RAET1L: variants seen among roughly 807,000 people sequenced by gnomAD.
The protein encoded by RAET1L is UL16-binding protein 6.
A neutral mutation model predicts 23.9 loss-of-function variants in RAET1L; 16 were observed. The ratio of observed to expected loss-of-function variants is 0.67; its 90% CI spans 0.45 to 1.02. RAET1L has a LOEUF of 1.02. Among genes scored for constraint, RAET1L ranks in the 50% least tolerant of loss-of-function variants. RAET1L has a pLI of 0.00. For synonymous variants in RAET1L, 70 were observed against 111.2 expected, an observed-to-expected ratio of 0.63 and a Z score of 2.33; for missense variants, 233 against 304.0, an observed-to-expected ratio of 0.77 and a Z score of 1.74.
intron 2 of RAET1L, among the ~76,000 whole-genome samples, 179 bp from the exon 3 acceptor site, chr6:150,021,365 C>CCA: frequency 7.0e-6 from 1 of 143,274 alleles, no homozygotes; most frequent in African/African-American, 2.6e-5. Flanking sequence ...GAAAGGGTCT[C>CCA]GCTCTGTCAC....
intron 3 of RAET1L, 95 bp downstream of exon 3, chr6:150,020,810 A>G: frequency 1.8e-5 from 29 of 1,569,108 alleles, no homozygotes; most frequent in Non-Finnish European, 2.5e-5. Flanking sequence ...ATAAACGTGT[A>G]CACTGGGATG....
rs1779850675 is a variant in RAET1L, at chr6:150,018,652, A to G, written c.*226T>C. On this transcript the variant is annotated 3_prime_UTR_variant, in exon 5 of 5. Transcript: ENST00000367341. ...TTCCATCAGGTAGCACCAAGAGAAA[A>G]TTGCATAATATGTTAGGAATAATCA... The G allele has an allele frequency of 6.5e-6, 1 of 153,144 alleles. No individual in the cohort carries two copies. Among genetic ancestry groups the G allele is most frequent in the South Asian group, 2.0e-4 (1 of 4,892 alleles). The allele number at this position is 153,144 out of a possible 1,614,324, so 9.5% of individuals were successfully genotyped here.
In RAET1L at chr6:150,021,164, C is replaced by A; in HGVS notation, c.372G>T (p.Arg124Ser). 6.2e-7 allele frequency: 1 copy of A among 1,613,436 alleles called. No individual in the cohort carries two copies. The highest frequency in any genetic ancestry group is 8.5e-7 in the Non-Finnish European group (1 of 1,179,564). ...TPKEPLTLQARMSCEQKAEGH... is the reference protein window; with the variant it reads ...TPKEPLTLQASMSCEQKAEGH... ...CTTCAGCTTTCTGCTCACAAGACAT[C>A]CTTGCCTGCAGGGTGAGGGGTTCTG... The change falls in exon 3 of 5, where the codon AGG (arginine) becomes AGT (serine). Residue 124 changes from arginine to serine, a missense_variant. Arg to Ser is a moderately radical substitution (Grantham distance 110, BLOSUM62 -1). Coordinates refer to ENST00000367341, the MANE Select transcript of RAET1L (RefSeq NM_130900.3).
intron 2 of RAET1L, 21 bp from the exon 3 acceptor site, chr6:150,021,207 T>G (rs772972757): frequency 4.4e-6 from 7 of 1,594,112 alleles, no homozygotes; most frequent in Middle Eastern, 1.7e-4. Context: ...CAGAGAGAGA[T>G]CAGCTCTGAT....
At chr6:150,019,500 C>T (rs1319207718) in intron 4 of RAET1L, among the ~76,000 whole-genome samples, 1 of 152,054 alleles carries the variant, frequency 6.6e-6, no homozygotes, top group African/African-American at 2.4e-5. Context: ...GACTCAAACC[C>T]CACGGGTACA....
intron 1 of RAET1L, among the ~76,000 whole-genome samples, chr6:150,025,098 C>T (rs79206040): frequency 3.9e-5 from 6 of 152,138 alleles, no homozygotes; most frequent in Non-Finnish European, 7.4e-5. Context: ...GTGGGACTGC[C>T]GGGCTGCACT....
chr6:150,023,704 A>T (rs1420843025), intron 1 of RAET1L, among the ~76,000 whole-genome samples: 1 of 152,202 alleles, frequency 6.6e-6, no homozygotes, highest in Non-Finnish European at 1.5e-5. Context: ...ATGTGGTCAC[A>T]ATGTCTAATT....
chr6:150,019,167 T>C (rs989961180), intron 4 of RAET1L, among the ~76,000 whole-genome samples: 2 of 152,174 alleles, frequency 1.3e-5, no homozygotes, highest in Admixed American at 6.5e-5. Context: ...GTCTAAAACA[T>C]GGCAAGGGGT....
intron 1 of RAET1L, among the ~76,000 whole-genome samples, chr6:150,025,059 G>T (rs1775865744): frequency 6.6e-6 from 1 of 152,080 alleles, no homozygotes; most frequent in African/African-American, 2.4e-5. Context: ...GTTCCCGGGG[G>T]GGCTCTGGTT....
intron 1 of RAET1L, among the ~76,000 whole-genome samples, chr6:150,022,750 C>T (rs1779903845): frequency 8.4e-6 from 1 of 118,934 alleles, no homozygotes; most frequent in Admixed American, 8.1e-5. Flanking sequence ...CTGGTGATGG[C>T]ATGCATCTGC....
At chr6:150,024,398 C>G (rs369483487) in intron 1 of RAET1L, among the ~76,000 whole-genome samples, 13 of 152,198 alleles carry the variant, frequency 8.5e-5, no homozygotes, top group African/African-American at 3.1e-4. Flanking sequence ...TTGCCATTGC[C>G]TGCTGTTGCT....
intron 3 of RAET1L, 88 bp downstream of exon 3, chr6:150,020,817 G>A: frequency 3.8e-6 from 6 of 1,573,818 alleles, no homozygotes; most frequent in Non-Finnish European, 4.3e-6. Flanking sequence ...TGTACACTGG[G>A]ATGATTGAAG....
intron 1 of RAET1L, among the ~76,000 whole-genome samples, chr6:150,024,663 G>A (rs901790280): frequency 3.3e-5 from 5 of 152,150 alleles, no homozygotes; most frequent in Admixed American, 3.3e-4. Context: ...CACAGGTTCT[G>A]AGGGGAGCTT....
chr6:150,022,681 C>T (rs1258120278), intron 1 of RAET1L, among the ~76,000 whole-genome samples: 5 of 117,538 alleles, frequency 4.3e-5, no homozygotes, highest in South Asian at 2.8e-4. Context: ...GATGGAACCC[C>T]GTTGGATAAA....
At position 150,021,008 on chromosome 6, in the gene RAET1L, C is replaced by T. The variant is rs1779879578; in HGVS notation, c.528G>A (p.Lys176=). The change falls in exon 3 of 5, where the codon AAG becomes AAA. Residue 176 remains lysine (K), a synonymous_variant. Coordinates refer to ENST00000367341, the MANE Select transcript of RAET1L (RefSeq NM_130900.3). ...RKMKEKWEND[K]DVAMSFHYIS... The stretch of plus-strand genomic sequence containing the variant: ...TGTAATGGAAGGACATGGCCACATC[C>T]TTGTCATTCTCCCACTTTTCTTTCA... The T allele has an allele frequency of 1.9e-6, 3 of 1,614,230 alleles. No homozygotes were observed. Among genetic ancestry groups the T allele is most frequent in the Non-Finnish European group, 2.5e-6 (3 of 1,180,042 alleles).
At position 150,020,988 on chromosome 6, in the gene RAET1L, T is replaced by C; in HGVS notation, c.548A>G (p.His183Arg). Reference protein sequence around the residue: ...ENDKDVAMSFHYISMGDCIGW... With the variant: ...ENDKDVAMSFRYISMGDCIGW... ...TATGCAGTCTCCCATTGAGATGTAA[T>C]GGAAGGACATGGCCACATCCTTGTC... The change falls in exon 3 of 5, where the codon CAT (histidine) becomes CGT (arginine). Residue 183 changes from histidine to arginine, a missense_variant. By Grantham distance (29) the His-to-Arg change is conservative. Transcript: ENST00000367341. The C allele has an allele frequency of 4.3e-6, 7 of 1,614,234 alleles. No homozygotes were observed. Among genetic ancestry groups the C allele is most frequent in the Non-Finnish European group, 5.9e-6 (7 of 1,180,042 alleles).
intron 1 of RAET1L, 21 bp downstream of exon 1, chr6:150,025,366 A>G (rs773795038): frequency 3.7e-6 from 6 of 1,608,270 alleles, no homozygotes; most frequent in Non-Finnish European, 5.1e-6. Context: ...CGCCCCGCTT[A>G]GGCTCCATCC....
Position 150,019,165 on chromosome 6 carries a change from C to A in RAET1L, c.*23-310G>T, listed in dbSNP as rs1357555695. ...TATCATCTGATGACAGGGTCTAAAA[C>A]ATGGCAAGGGGTGGGACAGACTTCC... On this transcript the variant is annotated intron_variant, in intron 4 of 4. Coordinates refer to ENST00000367341, the MANE Select transcript of RAET1L (RefSeq NM_130900.3). Among the ~76,000 whole-genome samples the A allele has an allele frequency of 2.6e-5, 4 of 152,192 alleles. No individual in the cohort carries two copies. The East Asian group carries it at 7.7e-4, about 29-fold the overall frequency.
At position 150,018,349 on chromosome 6, in the gene RAET1L, ACT is replaced by A. The variant is rs1203274011; in HGVS notation, c.*527_*528del. 6.6e-6 allele frequency: 1 copy of A among 152,174 alleles called. No individual in the cohort carries two copies. Among genetic ancestry groups the A allele is most frequent in the Non-Finnish European group, 1.5e-5 (1 of 68,032 alleles). The allele number at this position is 152,174 out of a possible 1,614,324, so 9.4% of individuals were successfully genotyped here. ...ACTCAGTAGGTTTTTGGGAAATATA[ACT>A]CTTTATTTAAATATCAGTACACAGC... is the stretch of plus-strand genomic sequence containing the variant. On this transcript the variant is annotated 3_prime_UTR_variant, in exon 5 of 5. Coordinates refer to ENST00000367341, the MANE Select transcript of RAET1L (RefSeq NM_130900.3).
Sources: gnomAD v4.1 joint callset for allele counts (sites outside exome capture counted in the v4.1 genomes callset) on GRCh38, gnomAD v4.1.1 for gene constraint, MANE v1.5 for transcripts, NCBI Gene and HGNC (gene_info 2026-07-23, HGNC 2026-07-21) for gene names.